TTC17: variants seen among roughly 807,000 people sequenced by gnomAD.
TTC17 encodes the protein tetratricopeptide repeat protein 17.
Under a neutral mutation model 143.8 loss-of-function variants are expected in TTC17, and 58 were observed. The observed-to-expected ratio is 0.40, with a 90% CI of 0.33 to 0.50. The LOEUF (loss-of-function observed/expected upper bound fraction) is 0.50, where lower values mean the gene tolerates loss of function less well. Among genes scored for constraint, TTC17 ranks in the 20% least tolerant of loss-of-function variants. The pLI is 0.49. For synonymous variants in TTC17, 501 were observed against 497.8 expected (o/e 1.01, Z -0.09); for missense variants, 1,273 against 1,392.5 (o/e 0.91, Z 1.37).
At chr11:43,394,188 G>A (rs932950376) in intron 5 of TTC17, among the ~76,000 whole-genome samples, 1 of 152,166 alleles carries the variant, frequency 6.6e-6, no homozygotes, top group East Asian at 1.9e-4. Context: ...GGCCAATATT[G>A]CTGGAGCCTG....
At chr11:43,411,760 G>A (rs1305519194) in intron 15 of TTC17, among the ~76,000 whole-genome samples, 1 of 152,180 alleles carries the variant, frequency 6.6e-6, no homozygotes, top group Non-Finnish European at 1.5e-5. Flanking sequence ...TACATTTGAA[G>A]TCTAAGTATG....
intron 21 of TTC17, among the ~76,000 whole-genome samples, chr11:43,488,484 A>G (rs1948417017): frequency 6.7e-6 from 1 of 150,374 alleles, no homozygotes; most frequent in South Asian, 2.1e-4. Context: ...TATAATATAT[A>G]TATTACTTTA....
intron 21 of TTC17, among the ~76,000 whole-genome samples, chr11:43,462,132 A>G (rs1947880661): frequency 6.6e-6 from 1 of 151,894 alleles, no homozygotes; most frequent in African/African-American, 2.4e-5. Context: ...CCCTTGTCAG[A>G]AAAAGTAAAC....
At chr11:43,444,829 G>C (rs1169814917) in intron 18 of TTC17, among the ~76,000 whole-genome samples, 4 of 151,698 alleles carry the variant, frequency 2.6e-5, no homozygotes, top group Non-Finnish European at 5.9e-5. Context: ...TAAACAGTAA[G>C]ATACCAGTTT....
At chr11:43,452,434 G>A (rs545106684) in intron 21 of TTC17, among the ~76,000 whole-genome samples, 173 of 152,176 alleles carry the variant, frequency 1.1e-3, no homozygotes, top group Non-Finnish European at 1.8e-3. Context: ...CCAGGAGGCG[G>A]AGGTTGCAGT....
chr11:43,441,275 CAA>C (rs770291331), intron 16 of TTC17, among the ~76,000 whole-genome samples: 12 of 130,958 alleles, frequency 9.2e-5, no homozygotes, highest in Admixed American at 1.6e-4. Context: ...GACTCTATCT[CAA>C]AAAAAAAAAA....
At chr11:43,406,427 T>C (rs928923147) in intron 13 of TTC17, among the ~76,000 whole-genome samples, 1 of 152,204 alleles carries the variant, frequency 6.6e-6, no homozygotes, top group Non-Finnish European at 1.5e-5. Flanking sequence ...AGTTCAATTA[T>C]GCTCTTTTCC....
At position 43,450,150 on chromosome 11, in the gene TTC17, A is replaced by T. The variant is rs200683669; in HGVS notation, c.2855A>T (p.Asn952Ile). 6.2e-7 allele frequency: 1 copy of T among 1,614,124 alleles called. No individual in the cohort carries two copies. The highest frequency in any genetic ancestry group is 8.5e-7 in the Non-Finnish European group (1 of 1,180,012). ...QPAMEPLCNG[N>I]LPTSMHTLDH... ...GCAATGGAGCCTCTTTGCAATGGCA[A>T]TCTCCCCACGAGTATGCATACCCTG... is the stretch of plus-strand genomic sequence containing the variant. Residue 952 changes from asparagine (N) to isoleucine (I), a missense_variant, in exon 20 of 24, where the codon AAT becomes ATT. Transcript: ENST00000039989.
Position 43,445,967 on chromosome 11 carries a change from C to A in TTC17, c.2665+1758C>A, listed in dbSNP as rs1438982552. 2.7e-6 allele frequency: 4 copies of A among 1,498,126 alleles called. No homozygotes were observed. In the East Asian group the frequency reaches 7.4e-5, roughly 28 times the overall value. The allele number at this position is 1,498,126 out of a possible 1,614,324, so 92.8% of individuals were successfully genotyped here. Reference sequence around the variant, plus strand: ...TGGAAGACCAGGAAAGTGCCATAGACATAATGTAACTGGATTTCAGCAAGG... The same window carrying A: ...TGGAAGACCAGGAAAGTGCCATAGAAATAATGTAACTGGATTTCAGCAAGG... On this transcript the variant is annotated intron_variant, in intron 18 of 23. Transcript: ENST00000039989.
intron 16 of TTC17, among the ~76,000 whole-genome samples, chr11:43,439,470 G>GTTTTTTTTTTTTTTTTTTTTTTTTTTT (rs370245266): frequency 7.2e-6 from 1 of 137,936 alleles, no homozygotes; most frequent in African/African-American, 2.6e-5. Context: ...TTTTTTTTTG[G>GTTTTTTTTTTTTTTTTTTTTTTTTTTT]TTTTTTTTTT....
intron 16 of TTC17, among the ~76,000 whole-genome samples, chr11:43,420,311 A>C (rs1354531775): frequency 2.0e-5 from 3 of 152,194 alleles, no homozygotes; most frequent in Non-Finnish European, 2.9e-5. Context: ...AAAGATTGGA[A>C]GAATTCATAT....
At position 43,414,775 on chromosome 11, in the gene TTC17, T is replaced by C. The variant is rs367544798; in HGVS notation, c.2250T>C (p.Ser750=). Residue 750 remains serine, a splice_region_variant and synonymous_variant, in exon 16 of 24, where the codon AGT becomes AGC. Coordinates refer to ENST00000039989, the MANE Select transcript of TTC17 (RefSeq NM_018259.6). The stretch of plus-strand genomic sequence containing the variant: ...ACAACATCACTTCTTCTGTTTGCAG[T>C]GGTAAGCAGCTTTCAAATGCTGACA... ...FLYNITSSVC[S]GTVVEESNGS... 42 of 1,611,094 alleles carry C rather than the reference T, an allele frequency of 2.6e-5. No individual in the cohort carries two copies. The highest frequency in any genetic ancestry group is 3.6e-5 in the Non-Finnish European group (42 of 1,178,992).
chr11:43,402,191 G>T (rs1482434987), intron 10 of TTC17, among the ~76,000 whole-genome samples: 1 of 151,864 alleles, frequency 6.6e-6, no homozygotes, highest in Non-Finnish European at 1.5e-5. Flanking sequence ...TTTACCATGG[G>T]AGCTAGAATT....
At chr11:43,468,157 A>C (rs1345948495) in intron 21 of TTC17, 1 of 152,246 alleles carries the variant, frequency 6.6e-6, no homozygotes, top group Admixed American at 6.5e-5. Context: ...ACTTCTCAGC[A>C]GGAGCAATGG....
intron 21 of TTC17, among the ~76,000 whole-genome samples, chr11:43,463,286 A>G (rs1301581488): frequency 6.6e-6 from 1 of 152,232 alleles, no homozygotes; most frequent in Non-Finnish European, 1.5e-5. Context: ...TGACTGAGCC[A>G]TAAAAAAGGC....
intron 1 of TTC17, among the ~76,000 whole-genome samples, chr11:43,370,594 T>C (rs1856526729): frequency 6.6e-6 from 1 of 151,670 alleles, no homozygotes; most frequent in Non-Finnish European, 1.5e-5. Flanking sequence ...TTCTAAAGTT[T>C]CAGTGTTAAC....
chr11:43,391,695 T>C, intron 4 of TTC17, 119 bp downstream of exon 4: 1 of 1,322,866 alleles, frequency 7.6e-7, no homozygotes, highest in Non-Finnish European at 1.0e-6. Context: ...TGTAATTTTA[T>C]AGACATCTCT....
chr11:43,432,392 T>G lies in TTC17; in HGVS notation c.2252-10933T>G, dbSNP rs180739215. Among the ~76,000 whole-genome samples, 615 of 152,338 alleles carry G rather than the reference T, an allele frequency of 4.0e-3. 3 individuals carry two copies. Among genetic ancestry groups the G allele is most frequent in the Non-Finnish European group, 6.9e-3 (466 of 68,024 alleles). On this transcript the variant is annotated intron_variant, in intron 16 of 23. Coordinates refer to ENST00000039989, the MANE Select transcript of TTC17 (RefSeq NM_018259.6). ...AATCAGAAATACCCTTTTTGGAGTT[T>G]TATACTTAGTTGATAGTCTTGTAGT... is the stretch of plus-strand genomic sequence containing the variant.
At chr11:43,397,874 C>G in intron 7 of TTC17, 100 bp from the exon 8 acceptor site, 2 of 1,490,948 alleles carry the variant, frequency 1.3e-6, no homozygotes, top group Non-Finnish European at 1.8e-6. Flanking sequence ...ACAGATGCAA[C>G]CAGGCCGTGG....
Sources: gnomAD v4.1 joint callset for allele counts (sites outside exome capture counted in the v4.1 genomes callset) on GRCh38, gnomAD v4.1.1 for gene constraint, MANE v1.5 for transcripts, NCBI Gene and HGNC (gene_info 2026-07-23, HGNC 2026-07-21) for gene names.